DOK6: variants seen among roughly 807,000 people sequenced by gnomAD.
DOK6 encodes downstream of tyrosine kinase 6.
DOK6 carries 22 observed loss-of-function variants against 44.0 expected under a neutral mutation model. The ratio of observed to expected loss-of-function variants is 0.50; its 90% confidence interval spans 0.36 to 0.71. The LOEUF (loss-of-function observed/expected upper bound fraction) is 0.71. DOK6 is among the 30% of genes least tolerant of loss of function. The pLI is 0.00. For missense variants in DOK6, 340 were observed against 416.4 expected (o/e 0.82, Z 1.60); for synonymous variants, 166 against 145.5 (o/e 1.14, Z -1.01).
intron 7 of DOK6, among the ~76,000 whole-genome samples, chr18:69,796,791 G>A (rs1980759135): frequency 6.6e-6 from 1 of 152,168 alleles, no homozygotes. Flanking sequence ...GTGAGGCATT[G>A]GCTTGTAATT....
At chr18:69,717,929 T>A (rs972161338) in intron 5 of DOK6, among the ~76,000 whole-genome samples, 1 of 152,232 alleles carries the variant, frequency 6.6e-6, no homozygotes, top group African/African-American at 2.4e-5. Flanking sequence ...AGGCCTTAGA[T>A]GTCAAAGAAT....
intron 1 of DOK6, among the ~76,000 whole-genome samples, chr18:69,552,736 G>A (rs145175294): frequency 1.3e-5 from 2 of 152,318 alleles, no homozygotes; most frequent in African/African-American, 2.4e-5. Flanking sequence ...AAGGATGGCA[G>A]GTGTTCTTGT....
intron 3 of DOK6, among the ~76,000 whole-genome samples, chr18:69,610,267 T>C (rs1358390753): frequency 6.6e-6 from 1 of 152,170 alleles, no homozygotes; most frequent in Non-Finnish European, 1.5e-5. Flanking sequence ...CTAATAGGAA[T>C]ATGAATTGTT....
intron 7 of DOK6, among the ~76,000 whole-genome samples, chr18:69,799,645 T>C (rs882114): frequency 0.19 from 29,153 of 151,994 alleles, 2,971 homozygotes; most frequent in East Asian, 0.28. Context: ...CAACAAGTTT[T>C]GGCCATGGGT....
chr18:69,627,184 C>T (rs1984576389), intron 3 of DOK6, among the ~76,000 whole-genome samples: 1 of 152,002 alleles, frequency 6.6e-6, no homozygotes, highest in Non-Finnish European at 1.5e-5. Context: ...ACAGCAGTGC[C>T]AAGAAGCAAA....
intron 6 of DOK6, among the ~76,000 whole-genome samples, chr18:69,745,958 A>AT (rs1284545414): frequency 6.6e-6 from 1 of 152,170 alleles, no homozygotes; most frequent in African/African-American, 2.4e-5. Flanking sequence ...AGATATTTAC[A>AT]TTTTTTTAAT....
intron 4 of DOK6, among the ~76,000 whole-genome samples, chr18:69,682,879 T>G (rs1451269629): frequency 6.6e-6 from 1 of 152,198 alleles, no homozygotes; most frequent in Non-Finnish European, 1.5e-5. Flanking sequence ...TTCCTCTAAA[T>G]TAGCTTTCTC....
chr18:69,811,209 G>A (rs1267802070), intron 7 of DOK6, among the ~76,000 whole-genome samples: 10 of 151,684 alleles, frequency 6.6e-5, no homozygotes, highest in Non-Finnish European at 8.8e-5. Context: ...GACACAGAGC[G>A]GAAAAAAATA....
chr18:69,737,395 G>C (rs1451759073), intron 5 of DOK6, among the ~76,000 whole-genome samples: 1 of 152,114 alleles, frequency 6.6e-6, no homozygotes, highest in Non-Finnish European at 1.5e-5. Flanking sequence ...AATATCAGGA[G>C]AGCAGCATGG....
intron 7 of DOK6, among the ~76,000 whole-genome samples, chr18:69,824,543 T>C (rs186195470): frequency 6.6e-6 from 1 of 152,192 alleles, no homozygotes; most frequent in Admixed American, 6.5e-5. Flanking sequence ...GTATTTTTTG[T>C]AGAGATGAGG....
In DOK6 at chr18:69,566,189, A is replaced by G. The variant is rs570227131; in HGVS notation, c.174+1595A>G. On this transcript the variant is annotated intron_variant, in intron 2 of 7. Transcript: ENST00000382713. ...GTCTGGCTCTGTCACCCAGGCTGGA[A>G]TGCAGTGGCGCGATCTCGGCTCACT... 2.6e-5 allele frequency among the ~76,000 whole-genome samples: 4 copies of G among 152,144 alleles called. No individual in the cohort carries two copies. In the East Asian group the frequency reaches 5.8e-4, roughly 22 times the overall value.
intron 3 of DOK6, among the ~76,000 whole-genome samples, chr18:69,622,658 C>G (rs961708585): frequency 3.9e-5 from 6 of 152,070 alleles, no homozygotes; most frequent in Admixed American, 6.6e-5. Flanking sequence ...GTCACCATGG[C>G]CTCCTTAGAT....
rs145192921 is a variant in DOK6 at position 69,574,613 on chromosome 18, G to C, written c.174+10019G>C. On this transcript the variant is annotated intron_variant, in intron 2 of 7. Coordinates refer to ENST00000382713, the MANE Select transcript of DOK6 (RefSeq NM_152721.6). ...TTGCACAATGATTTGAAGAGAATTT[G>C]AGTTATCTAGTGTTGGCAGGCTCTG... Among the ~76,000 whole-genome samples the C allele has an allele frequency of 4.5e-4, 69 of 152,148 alleles. 2 individuals carry two copies. The highest frequency in any genetic ancestry group is 1.5e-3 in the African/African-American group (63 of 41,542).
intron 3 of DOK6, among the ~76,000 whole-genome samples, chr18:69,622,841 T>C (rs1984473602): frequency 6.6e-6 from 1 of 152,228 alleles, no homozygotes; most frequent in Non-Finnish European, 1.5e-5. Context: ...TAAGGATTTA[T>C]AGGAATGTAC....
chr18:69,624,633 T>G (rs1038527635), intron 3 of DOK6, among the ~76,000 whole-genome samples: 1 of 152,144 alleles, frequency 6.6e-6, no homozygotes, highest in Non-Finnish European at 1.5e-5. Context: ...AGAGTATTAC[T>G]TACTGGTTCC....
intron 5 of DOK6, among the ~76,000 whole-genome samples, chr18:69,712,146 TGGCGGG>T (rs1986772468): frequency 6.8e-6 from 1 of 148,106 alleles, no homozygotes; most frequent in Admixed American, 6.7e-5. Context: ...CCGGGCGTAG[TGGCGGG>T]CGCCTGTAGT....
chr18:69,558,571 T>C (rs1982747464), intron 1 of DOK6, among the ~76,000 whole-genome samples: 1 of 152,146 alleles, frequency 6.6e-6, no homozygotes, highest in South Asian at 2.1e-4. Flanking sequence ...TCCTAATAAA[T>C]TATATGCTTT....
At chr18:69,460,002 C>T (rs950463238) in intron 1 of DOK6, among the ~76,000 whole-genome samples, 2 of 152,128 alleles carry the variant, frequency 1.3e-5, no homozygotes, top group African/African-American at 4.8e-5. Context: ...CAATTTATCT[C>T]ATTAGTCGTT....
At chr18:69,458,561 G>T (rs1373406605) in intron 1 of DOK6, among the ~76,000 whole-genome samples, 1 of 152,086 alleles carries the variant, frequency 6.6e-6, no homozygotes, top group African/African-American at 2.4e-5. Context: ...GCAAGGGAAA[G>T]GAATAAAAGG....
Sources: gnomAD v4.1 joint callset for allele counts (sites outside exome capture counted in the v4.1 genomes callset) on GRCh38, gnomAD v4.1.1 for gene constraint, MANE v1.5 for transcripts, NCBI Gene and HGNC (gene_info 2026-07-23, HGNC 2026-07-21) for gene names.